The following SREK1 variants were observed in gnomAD, a reference collection of about 807,000 sequenced individuals.
SREK1 encodes splicing regulatory glutamic acid and lysine rich protein 1, also known as splicing regulatory glutamine/lysine-rich protein 1.
SREK1 carries 13 observed loss-of-function variants against 66.5 expected under a neutral mutation model. The ratio of observed to expected loss-of-function variants is 0.20; its 90% CI spans 0.13 to 0.31. The LOEUF (loss-of-function observed/expected upper bound fraction) is 0.31. Among genes scored for constraint, SREK1 ranks in the 10% least tolerant of loss-of-function variants. SREK1 has a pLI of 1.00. For synonymous variants in SREK1, 265 were observed against 263.5 expected, an observed-to-expected ratio of 1.01 and a Z score of -0.05; for missense variants, 607 against 769.6, an observed-to-expected ratio of 0.79 and a Z score of 2.50.
chr5:66,155,014 T>G (rs1420663777), intron 2 of SREK1, among the ~76,000 whole-genome samples: 2 of 152,144 alleles, frequency 1.3e-5, no homozygotes. Flanking sequence ...TAACACTGGG[T>G]CTTTTATTGT....
chr5:66,164,026 A>G, intron 6 of SREK1, 104 bp downstream of exon 6: 1 of 1,381,970 alleles, frequency 7.2e-7, no homozygotes, highest in East Asian at 2.4e-5. Context: ...TCATTTTACA[A>G]ACAAGAAGAC....
At chr5:66,177,383 C>A in intron 10 of SREK1, 131 bp from the exon 11 acceptor site, 1 of 789,012 alleles carries the variant, frequency 1.3e-6, no homozygotes, top group Non-Finnish European at 1.9e-6. Context: ...ACTTTGCAAA[C>A]CAGCTTACTG....
chr5:66,177,533 AAG>A lies in SREK1; in HGVS notation c.1606_1607del (p.Glu536LysfsTer8). 1.3e-6 allele frequency: 2 copies of A among 1,597,732 alleles called. No homozygotes were observed. The highest frequency in any genetic ancestry group is 1.7e-6 in the Non-Finnish European group (2 of 1,173,012). ...TTATAGCAGAAATAAGAAGGATAAA[AAG>A]AGAGAAAAAGAAAGGGACCACATCA... ...SPRSRNKKDK[K>X]REKERDHISE... On this transcript the variant is annotated frameshift_variant, in exon 11 of 12. Coordinates refer to ENST00000334121, the MANE Select transcript of SREK1 (RefSeq NM_001077199.3). LOFTEE classifies it high-confidence loss of function.
chr5:66,178,915 G>T lies in SREK1; in HGVS notation c.*47G>T. Reference sequence around the variant, plus strand: ...ACTCAATGCTGGAATCAAATCCAAAGCTTTTAATTCTCTCAACAAGATGTA... The same window carrying T: ...ACTCAATGCTGGAATCAAATCCAAATCTTTTAATTCTCTCAACAAGATGTA... On this transcript the variant is annotated 3_prime_UTR_variant, in exon 12 of 12. Coordinates refer to ENST00000334121, the MANE Select transcript of SREK1 (RefSeq NM_001077199.3). 1.3e-6 allele frequency: 2 copies of T among 1,504,110 alleles called. No homozygotes were observed. Among genetic ancestry groups the T allele is most frequent in the South Asian group, 1.4e-5 (1 of 71,354 alleles). 93.2% of individuals were successfully genotyped at this position (1,504,110 alleles called of 1,614,324 possible). A position where few individuals can be genotyped will look rare whatever the true frequency, so the allele number is the denominator to read the frequency against.
At chr5:66,168,730 C>G (rs1745376192) in intron 7 of SREK1, 1 of 152,144 alleles carries the variant, frequency 6.6e-6, no homozygotes. Context: ...ACATGACTAT[C>G]AAGATGAGTT....
At chr5:66,178,625 T>C (rs1396119072) in intron 11 of SREK1, 94 bp from the exon 12 acceptor site, 9 of 1,279,896 alleles carry the variant, frequency 7.0e-6, no homozygotes, top group Non-Finnish European at 7.3e-6. Flanking sequence ...CCCAGTTTTT[T>C]AAATTTGCAA....
intron 9 of SREK1, among the ~76,000 whole-genome samples, chr5:66,173,381 G>A (rs1745807350): frequency 6.6e-6 from 1 of 152,152 alleles, no homozygotes; most frequent in Non-Finnish European, 1.5e-5. Context: ...CCTACTCTGT[G>A]TCACACTCTA....
At chr5:66,155,037 C>A (rs1475516047) in intron 2 of SREK1, among the ~76,000 whole-genome samples, 2 of 147,372 alleles carry the variant, frequency 1.4e-5, no homozygotes, top group African/African-American at 4.9e-5. Context: ...TAGCTTATTA[C>A]TGAATTGGAA....
In SREK1 at chr5:66,170,594, A is replaced by G. The variant is rs112201580; in HGVS notation, c.1131A>G (p.Arg377=). 1 of 1,595,740 alleles carries G rather than the reference A, an allele frequency of 6.3e-7. No individual in the cohort carries two copies. Among genetic ancestry groups the G allele is most frequent in the Non-Finnish European group, 8.5e-7 (1 of 1,175,216 alleles). The change falls in exon 9 of 12, where the codon AGA becomes AGG. Residue 377 remains arginine (R), a synonymous_variant. Transcript: ENST00000334121. ...SRSRSHSRDK[R]KDTREKIKEK... ...ATTTTTGTTTTTAAAGGGACAAGAG[A>G]AAAGACACTCGAGAAAAGATCAAGG...
chr5:66,159,875 A>G (rs1210837380), intron 3 of SREK1, among the ~76,000 whole-genome samples: 1 of 152,232 alleles, frequency 6.6e-6, no homozygotes, highest in African/African-American at 2.4e-5. Context: ...TCATGCCTGT[A>G]ATCCCAGCAC....
In SREK1 at chr5:66,174,987, C is replaced by A. The variant is rs1745939663; in HGVS notation, c.1526C>A (p.Pro509Gln). ...AGGAGCAGGAGTTCTTCCAGATCGCCAAGAACATCAAAAACCATAAAAAGG... is the reference window on the plus strand; with the variant it reads ...AGGAGCAGGAGTTCTTCCAGATCGCAAAGAACATCAAAAACCATAAAAAGG... ...RRRSRSSSRS[P>Q]RTSKTIKRKS... is the part of the protein sequence containing the mutation. Residue 509 changes from proline (P) to glutamine (Q), a missense_variant, in exon 10 of 12, where the codon CCA (proline) becomes CAA (glutamine). Physicochemically the swap from Pro to Gln is moderately conservative, Grantham distance 76 (BLOSUM62 -1). This residue lies in a region of SREK1 where 318 missense variants were observed against 310.3 expected (regional missense o/e 1.02). Transcript: ENST00000334121. The A allele has an allele frequency of 1.2e-6, 2 of 1,612,876 alleles. No homozygotes were observed. The highest frequency in any genetic ancestry group is 1.7e-6 in the Non-Finnish European group (2 of 1,179,376).
chr5:66,152,110 C>G (rs1194974142), intron 1 of SREK1, among the ~76,000 whole-genome samples: 2 of 152,098 alleles, frequency 1.3e-5, no homozygotes, highest in Non-Finnish European at 2.9e-5. Flanking sequence ...CCTTGGCCTC[C>G]CAGAGTGCTG....
intron 3 of SREK1, among the ~76,000 whole-genome samples, chr5:66,160,654 A>C (rs969174698): frequency 1.5e-4 from 23 of 152,294 alleles, no homozygotes; most frequent in Admixed American, 1.1e-3. Context: ...CAGGGATATG[A>C]CATGATTTGA....
At chr5:66,158,367 A>G (rs1049302236) in intron 2 of SREK1, 2 of 152,564 alleles carry the variant, frequency 1.3e-5, no homozygotes, top group African/African-American at 4.8e-5. Flanking sequence ...CCCCCTTCAG[A>G]TAAGTATACA....
At position 66,170,781 on chromosome 5, in the gene SREK1, G is replaced by A; in HGVS notation, c.1318G>A (p.Glu440Lys). 2 of 1,606,208 alleles carry A rather than the reference G, an allele frequency of 1.2e-6. No homozygotes were observed. The highest frequency in any genetic ancestry group is 1.7e-6 in the Non-Finnish European group (2 of 1,175,820). ...GGACAGAGAGAGAGAACGGGAAAAA[G>A]AGCATGAGAAGGATCGAGACAAAGA... ...EKDREREREK[E>K]HEKDRDKEKE... The change falls in exon 9 of 12, where the codon GAG becomes AAG. Residue 440 changes from glutamate (E) to lysine (K), a missense_variant. By Grantham distance (56) the Glu-to-Lys change is moderately conservative. Transcript: ENST00000334121.
rs1311050960 is a variant in SREK1, at chr5:66,181,485, C to CA, written c.*2618dup. 1 of 152,146 alleles carries CA rather than the reference C, an allele frequency of 6.6e-6. No homozygotes were observed. Among genetic ancestry groups the CA allele is most frequent in the East Asian group, 1.9e-4 (1 of 5,196 alleles). 9.4% of individuals were successfully genotyped at this position (152,146 alleles called of 1,614,324 possible). On this transcript the variant is annotated 3_prime_UTR_variant, in exon 12 of 12. Transcript: ENST00000334121. Reference sequence around the variant, plus strand: ...TAAACTTGAGGTAAGGCCAAGAAGACAGACATTTTATGCTTCATACTTTCT... The same window carrying CA: ...TAAACTTGAGGTAAGGCCAAGAAGACAAGACATTTTATGCTTCATACTTTCT...
intron 2 of SREK1, among the ~76,000 whole-genome samples, chr5:66,155,886 C>T (rs959743905): frequency 2.0e-5 from 3 of 152,264 alleles, no homozygotes; most frequent in South Asian, 2.1e-4. Context: ...TTTGTTGTTG[C>T]GTGCATTTCA....
chr5:66,149,286 G>A, intron 1 of SREK1, among the ~76,000 whole-genome samples: 1 of 152,014 alleles, frequency 6.6e-6, no homozygotes, highest in South Asian at 2.1e-4. Context: ...GGAGGCGGAG[G>A]TTGCAGTGAG....
intron 10 of SREK1, among the ~76,000 whole-genome samples, chr5:66,176,205 A>T (rs1420192747): frequency 6.6e-6 from 1 of 152,054 alleles, no homozygotes; most frequent in East Asian, 1.9e-4. Context: ...TTAGTTTGAT[A>T]TGTTGCCTTT....
Sources: allele counts gnomAD v4.1 joint callset (sites outside exome capture counted in the v4.1 genomes callset), GRCh38; gene constraint gnomAD v4.1.1; regional missense constraint gnomAD v4.1.1; transcripts MANE v1.5; gene names NCBI Gene and HGNC (gene_info 2026-07-23, HGNC 2026-07-21).